LPCAT1: variants seen among roughly 807,000 people sequenced by gnomAD.
The protein encoded by LPCAT1 is 1-acylglycerol-3-phosphate O-acyltransferase.
In LPCAT1, 23 loss-of-function variants were observed where a neutral mutation model predicts 60.9. That is an observed-to-expected ratio of 0.38 (90% confidence interval 0.27 to 0.53). LPCAT1 has a LOEUF of 0.53. Among genes scored for constraint, LPCAT1 ranks in the 20% least tolerant of loss-of-function variants. LPCAT1 has a pLI of 0.82. For missense variants in LPCAT1, 622 were observed against 723.6 expected, an observed-to-expected ratio of 0.86 and a Z score of 1.61; for synonymous variants, 340 against 301.1, an observed-to-expected ratio of 1.13 and a Z score of -1.34.
chr5:1,489,503 C>T (rs556295142), intron 4 of LPCAT1, among the ~76,000 whole-genome samples: 1 of 152,236 alleles, frequency 6.6e-6, no homozygotes, highest in African/African-American at 2.4e-5. Flanking sequence ...GAACTTAGTT[C>T]AGAAAAGATG....
intron 1 of LPCAT1, among the ~76,000 whole-genome samples, chr5:1,515,238 C>A (rs1371703182): frequency 1.3e-5 from 2 of 151,436 alleles, no homozygotes; most frequent in East Asian, 3.9e-4. Context: ...CTACTCCGAA[C>A]TGGCCGCAGA....
chr5:1,523,749 G>A lies in LPCAT1; in HGVS notation c.96C>T (p.Phe32=). The change falls in exon 1 of 14, where the codon TTC becomes TTT. Residue 32 remains phenylalanine, a synonymous_variant. Coordinates refer to ENST00000283415, the MANE Select transcript of LPCAT1 (RefSeq NM_024830.5). This position sits in a 1 kb window ranked among gnomAD's most constrained non-coding sequence, Gnocchi z 7.1. ...GGGCGCTGAGGCGCAGCTCGTGCAC[G>A]AAGGGGTTCCGCCCCGGGGGCGCCA... ...RLLAPPGRNP[F]VHELRLSALQ... The A allele has an allele frequency of 1.7e-6, 2 of 1,174,772 alleles. No individual in the cohort carries two copies. Among genetic ancestry groups the A allele is most frequent in the Non-Finnish European group, 2.1e-6 (2 of 944,322 alleles). The allele number at this position is 1,174,772 out of a possible 1,614,324, so 72.8% of individuals were successfully genotyped here.
intron 4 of LPCAT1, 100 bp from the exon 5 acceptor site, chr5:1,488,551 G>A (rs1735455844): frequency 1.2e-6 from 1 of 802,320 alleles, no homozygotes; most frequent in Admixed American, 2.7e-5. Context: ...CTTTTCTGCT[G>A]ACATAATTTG....
intron 12 of LPCAT1, 43 bp downstream of exon 12, chr5:1,470,783 C>T (rs1326487528): frequency 1.3e-6 from 2 of 1,494,914 alleles, no homozygotes; most frequent in East Asian, 4.6e-5. Context: ...CGTGACTGCA[C>T]CGCCCTGTCC....
chr5:1,495,191 A>G lies in LPCAT1; in HGVS notation c.279-277T>C, dbSNP rs1735742150. Among the ~76,000 whole-genome samples, 1 of 152,236 alleles carries G rather than the reference A, an allele frequency of 6.6e-6. No individual in the cohort carries two copies. Among genetic ancestry groups the G allele is most frequent in the African/African-American group, 2.4e-5 (1 of 41,464 alleles). ...CCACGCGGCAGGCAGTGCTAAGACA[A>G]CATGAGACTCCGGAACACAGACAGC... On this transcript the variant is annotated intron_variant, in intron 2 of 13. Coordinates refer to ENST00000283415, the MANE Select transcript of LPCAT1 (RefSeq NM_024830.5). The surrounding 1 kb of genome is among the most constrained non-coding windows in gnomAD (Gnocchi z 4.7).
At chr5:1,501,722 G>A (rs1736016496) in intron 1 of LPCAT1, 119 bp from the exon 2 acceptor site, 2 of 1,005,716 alleles carry the variant, frequency 2.0e-6, no homozygotes, top group Admixed American at 4.1e-5. Flanking sequence ...CTGGGGAGGG[G>A]CTGCAGCTGG....
At position 1,475,876 on chromosome 5, in the gene LPCAT1, G is replaced by A. The variant is rs979805099; in HGVS notation, c.900-1191C>T. On this transcript the variant is annotated intron_variant, in intron 9 of 13. Coordinates refer to ENST00000283415, the MANE Select transcript of LPCAT1 (RefSeq NM_024830.5). ...TCTCCCTCCCATCTCCACTCCGAGT[G>A]GGGCTGCACAGGCCCCGCCCAGGCC... Among the ~76,000 whole-genome samples, 16 of 150,294 alleles carry A rather than the reference G, an allele frequency of 1.1e-4. 1 individual carries two copies. The highest frequency in any genetic ancestry group is 2.0e-4 in the Admixed American group (3 of 15,148).
rs1200315661 is a variant in LPCAT1, at chr5:1,502,937, A to G, written c.136-1334T>C. ...GGAATGACAATTTAATATACAGCTC[A>G]TTTCGCCCGGTATATCTGAAATACC... is the stretch of plus-strand genomic sequence containing the variant. On this transcript the variant is annotated intron_variant, in intron 1 of 13. Coordinates refer to ENST00000283415, the MANE Select transcript of LPCAT1 (RefSeq NM_024830.5). The surrounding 1 kb of genome is among the most constrained non-coding windows in gnomAD (Gnocchi z 5.5). 6.6e-6 allele frequency among the ~76,000 whole-genome samples: 1 copy of G among 152,114 alleles called. No homozygotes were observed. Among genetic ancestry groups the G allele is most frequent in the African/African-American group, 2.4e-5 (1 of 41,414 alleles).
chr5:1,470,538 G>A (rs1734624159), intron 12 of LPCAT1, among the ~76,000 whole-genome samples: 1 of 152,204 alleles, frequency 6.6e-6, no homozygotes, highest in Non-Finnish European at 1.5e-5. Context: ...GCCCTGTAGT[G>A]TGTGATGGTG....
chr5:1,514,503 G>T (rs972646601), intron 1 of LPCAT1, among the ~76,000 whole-genome samples: 2 of 152,176 alleles, frequency 1.3e-5, no homozygotes, highest in African/African-American at 4.8e-5. Context: ...CGCACTGGGG[G>T]ACTCAAAGTC....
Position 1,487,897 on chromosome 5 carries a change from C to T in LPCAT1, c.667+494G>A, listed in dbSNP as rs187071773. ...AGACACAATACTAGACCCAGGTAAC[C>T]GCCGCGGGAGAGACCCAAGTTCACA... On this transcript the variant is annotated intron_variant, in intron 5 of 13. Coordinates refer to ENST00000283415, the MANE Select transcript of LPCAT1 (RefSeq NM_024830.5). This position sits in a 1 kb window ranked among gnomAD's most constrained non-coding sequence, Gnocchi z 6.1. Among the ~76,000 whole-genome samples the T allele has an allele frequency of 1.2e-3, 187 of 152,242 alleles. 1 individual carries two copies. The Middle Eastern group carries it at 0.017, about 14-fold the overall frequency.
chr5:1,519,988 C>T (rs1367320635), intron 1 of LPCAT1, among the ~76,000 whole-genome samples: 1 of 152,260 alleles, frequency 6.6e-6, no homozygotes, highest in African/African-American at 2.4e-5. Flanking sequence ...CATCCACTGC[C>T]CGGCAATGGG....
chr5:1,494,156 G>C (rs533677053), intron 3 of LPCAT1, among the ~76,000 whole-genome samples: 2 of 152,162 alleles, frequency 1.3e-5, no homozygotes, highest in African/African-American at 4.8e-5. Flanking sequence ...CCTGGTTCAC[G>C]GCACAGCCGC....
chr5:1,464,116 A>G (rs1212998355), intron 13 of LPCAT1, among the ~76,000 whole-genome samples: 1 of 152,198 alleles, frequency 6.6e-6, no homozygotes, highest in Non-Finnish European at 1.5e-5. Flanking sequence ...TGAATTCGAC[A>G]GATATATCCC....
At chr5:1,506,215 G>A (rs1056474508) in intron 1 of LPCAT1, among the ~76,000 whole-genome samples, 3 of 152,186 alleles carry the variant, frequency 2.0e-5, no homozygotes, top group African/African-American at 7.2e-5. Flanking sequence ...GCCTCTGGGA[G>A]CCCCAGGCAG....
chr5:1,486,483 A>AC (rs1413880592), intron 5 of LPCAT1, among the ~76,000 whole-genome samples: 9 of 152,060 alleles, frequency 5.9e-5, no homozygotes, highest in African/African-American at 1.9e-4. Flanking sequence ...CAAACGGGTG[A>AC]CCCCAGCAAC....
At position 1,489,616 on chromosome 5, in the gene LPCAT1, C is replaced by T. The variant is rs868737887; in HGVS notation, c.606+130G>A. On this transcript the variant is annotated intron_variant, in intron 4 of 13. Transcript: ENST00000283415. ...ACCTGACAGCACCCTCCTGAGTTCA[C>T]GCACTCACTAGGAGAAGAGAATCAG... The T allele has an allele frequency of 3.6e-4, 281 of 771,586 alleles. 1 individual carries two copies. The highest frequency in any genetic ancestry group is 3.6e-3 in the African/African-American group (213 of 58,820). 47.8% of individuals were successfully genotyped at this position (771,586 alleles called of 1,614,324 possible).
At position 1,463,064 on chromosome 5, in the gene LPCAT1, G is replaced by A. The variant is rs764839609; in HGVS notation, c.*587C>T. On this transcript the variant is annotated 3_prime_UTR_variant, in exon 14 of 14. Coordinates refer to ENST00000283415, the MANE Select transcript of LPCAT1 (RefSeq NM_024830.5). ...CTTTGACTCTAAAAGGAAAAATGAA[G>A]TAGAAAAACAATTTTCATTTTTTAA... The A allele has an allele frequency of 6.6e-6, 1 of 151,690 alleles. No homozygotes were observed. The highest frequency in any genetic ancestry group is 1.5e-5 in the Non-Finnish European group (1 of 67,936). 9.4% of individuals were successfully genotyped at this position (151,690 alleles called of 1,614,324 possible). A position where few individuals can be genotyped will look rare whatever the true frequency, so the allele number is the denominator to read the frequency against.
intron 1 of LPCAT1, among the ~76,000 whole-genome samples, chr5:1,509,198 C>A (rs1378234699): frequency 1.3e-5 from 2 of 152,276 alleles, no homozygotes; most frequent in African/African-American, 4.8e-5. Flanking sequence ...TCATCCCGCA[C>A]AGGCGGCCGG....
Sources: gnomAD v4.1 joint callset for allele counts (sites outside exome capture counted in the v4.1 genomes callset) on GRCh38, gnomAD v4.1.1 for gene constraint, Gnocchi (gnomAD v3.1) non-coding constraint, MANE v1.5 for transcripts, NCBI Gene and HGNC (gene_info 2026-07-23, HGNC 2026-07-21) for gene names.